HSD17B12: variants seen among roughly 807,000 people sequenced by gnomAD.
HSD17B12 encodes hydroxysteroid 17-beta dehydrogenase 12.
A neutral mutation model predicts 39.3 loss-of-function variants in HSD17B12; 32 were observed. That is an observed-to-expected ratio of 0.81 (90% CI 0.61 to 1.09). The LOEUF (loss-of-function observed/expected upper bound fraction) is 1.09. HSD17B12 is among the 50% of genes least tolerant of loss of function. The pLI, the probability that HSD17B12 is intolerant of heterozygous loss-of-function variation, is 0.00. For synonymous variants in HSD17B12, 150 were observed against 146.7 expected (o/e 1.02, Z -0.16); for missense variants, 342 against 382.9 (o/e 0.89, Z 0.89).
chr11:43,585,182 T>C, the HSD17B12 span, among the ~76,000 whole-genome samples: 1 of 152,212 alleles, frequency 6.6e-6, no homozygotes, highest in African/African-American at 2.4e-5. Context: ...CTGGATATTT[T>C]TTTTGAAGGG....
At chr11:43,654,542 G>C in the HSD17B12 span, among the ~76,000 whole-genome samples, 2 of 151,968 alleles carry the variant, frequency 1.3e-5, no homozygotes, top group Non-Finnish European at 2.9e-5. Flanking sequence ...TAACATGTAA[G>C]TCTTTAATCC....
chr11:43,704,068 AC>A (rs1376595995), intron 1 of HSD17B12, among the ~76,000 whole-genome samples: 2 of 152,168 alleles, frequency 1.3e-5, no homozygotes, highest in Non-Finnish European at 2.9e-5. Context: ...TGCATTTGGA[AC>A]GTGCTCCCCA....
At chr11:43,645,858 A>G in the HSD17B12 span, 29 of 152,444 alleles carry the variant, frequency 1.9e-4, no homozygotes, top group African/African-American at 6.7e-4. Flanking sequence ...GCATACGCCT[A>G]TAATCTCAGC....
At chr11:43,662,443 C>T in the HSD17B12 span, among the ~76,000 whole-genome samples, 5 of 144,986 alleles carry the variant, frequency 3.4e-5, no homozygotes, top group African/African-American at 1.3e-4. Flanking sequence ...CAGGGTTTCA[C>T]CATGTTGGCC....
At chr11:43,788,451 T>C (rs1233980786) in intron 3 of HSD17B12, among the ~76,000 whole-genome samples, 1 of 152,134 alleles carries the variant, frequency 6.6e-6, no homozygotes, top group Non-Finnish European at 1.5e-5. Flanking sequence ...ATAACCCTTG[T>C]GTTCTGTCTC....
chr11:43,821,788 T>A (rs375861422), intron 6 of HSD17B12, among the ~76,000 whole-genome samples: 21 of 152,374 alleles, frequency 1.4e-4, no homozygotes, highest in African/African-American at 4.1e-4. Context: ...CAAATATTGC[T>A]GTGCCGTTTG....
chr11:43,573,086 G>C, the HSD17B12 span, among the ~76,000 whole-genome samples: 86 of 152,304 alleles, frequency 5.6e-4, no homozygotes, highest in African/African-American at 2.0e-3. Context: ...CAAGCCCTCT[G>C]GGGGAGCATT....
At chr11:43,637,186 G>A in the HSD17B12 span, among the ~76,000 whole-genome samples, 34 of 150,540 alleles carry the variant, frequency 2.3e-4, 1 homozygote, top group East Asian at 4.3e-3. Context: ...GATGATGGTA[G>A]TGACTGGATA....
the HSD17B12 span, among the ~76,000 whole-genome samples, chr11:43,642,087 G>A: frequency 1.3e-4 from 19 of 151,512 alleles, no homozygotes; most frequent in South Asian, 2.1e-4. Flanking sequence ...ATACTGTTAC[G>A]TATAAATATT....
intron 9 of HSD17B12, among the ~76,000 whole-genome samples, chr11:43,847,715 CAAAA>C (rs749195210): frequency 1.4e-4 from 12 of 85,694 alleles, no homozygotes; most frequent in African/African-American, 2.4e-4. Flanking sequence ...CTCTGCCTCA[CAAAA>C]AAAAAAAAAA....
chr11:43,676,366 G>A (rs1331295843), upstream of HSD17B12, among the ~76,000 whole-genome samples: 1 of 152,114 alleles, frequency 6.6e-6, no homozygotes, highest in Non-Finnish European at 1.5e-5. Context: ...AGCAGAAGTT[G>A]AGCCTGGACA....
intron 3 of HSD17B12, among the ~76,000 whole-genome samples, chr11:43,793,458 C>T (rs1315228576): frequency 6.6e-6 from 1 of 152,060 alleles, no homozygotes; most frequent in Non-Finnish European, 1.5e-5. Context: ...GACTTAATAT[C>T]CCCAGCCACC....
At chr11:43,679,748 T>C (rs1000667235), upstream of HSD17B12, among the ~76,000 whole-genome samples, 3 of 152,226 alleles carry the variant, frequency 2.0e-5, no homozygotes, top group African/African-American at 7.2e-5. Flanking sequence ...TCTGATGCCA[T>C]CGTCTAACAG....
chr11:43,772,905 G>C (rs947815195), intron 3 of HSD17B12, among the ~76,000 whole-genome samples: 1 of 152,120 alleles, frequency 6.6e-6, no homozygotes, highest in Non-Finnish European at 1.5e-5. Context: ...GAGCCCAGGC[G>C]TTTGAGACCA....
At chr11:43,734,192 A>G (rs1950295411) in intron 1 of HSD17B12, 3 of 1,572,866 alleles carry the variant, frequency 1.9e-6, no homozygotes, top group Non-Finnish European at 2.6e-6. Flanking sequence ...GCTGGTCTCC[A>G]GGCAGGTGAG....
intron 3 of HSD17B12, among the ~76,000 whole-genome samples, chr11:43,785,054 C>G (rs1006738619): frequency 6.6e-6 from 1 of 151,674 alleles, no homozygotes; most frequent in South Asian, 2.1e-4. Context: ...TGAGGAAATG[C>G]TTAGGCTGCT....
At chr11:43,756,259 A>G (rs1464531441) in intron 3 of HSD17B12, among the ~76,000 whole-genome samples, 1 of 151,684 alleles carries the variant, frequency 6.6e-6, no homozygotes, top group Non-Finnish European at 1.5e-5. Flanking sequence ...GAGAGTACAG[A>G]TCTTTACAAA....
At chr11:43,682,097 A>G (rs954750946) in intron 1 of HSD17B12, among the ~76,000 whole-genome samples, 3 of 152,198 alleles carry the variant, frequency 2.0e-5, no homozygotes, top group African/African-American at 7.2e-5. Flanking sequence ...TTTATTTAGA[A>G]ACATTTAAAC....
the HSD17B12 span, among the ~76,000 whole-genome samples, chr11:43,657,843 T>A: frequency 6.6e-6 from 1 of 152,224 alleles, no homozygotes. Context: ...CATTTTTTCC[T>A]TCATTTCAAC....
Sources: gnomAD v4.1 joint callset for allele counts (sites outside exome capture counted in the v4.1 genomes callset) on GRCh38, gnomAD v4.1.1 for gene constraint, MANE v1.5 for transcripts, NCBI Gene and HGNC (gene_info 2026-07-23, HGNC 2026-07-21) for gene names.